The following TMEM50A variants were observed in gnomAD, a reference collection of about 807,000 sequenced individuals.
TMEM50A encodes the protein transmembrane protein 50A, also known as cervical cancer oncogene 9.
Under a neutral mutation model 23.9 loss-of-function variants are expected in TMEM50A, and 8 were observed. The observed-to-expected ratio is 0.33, with a 90% confidence interval of 0.20 to 0.60. The LOEUF (loss-of-function observed/expected upper bound fraction) is 0.60, where lower values mean the gene tolerates loss of function less well. Among genes scored for constraint, TMEM50A ranks in the 20% least tolerant of loss-of-function variants. The pLI, the probability that TMEM50A is intolerant of heterozygous loss-of-function variation, is 0.81. For synonymous variants in TMEM50A, 55 were observed against 60.4 expected, an observed-to-expected ratio of 0.91 and a Z score of 0.41; for missense variants, 178 against 192.7, an observed-to-expected ratio of 0.92 and a Z score of 0.45.
At chr1:25,359,046 T>C (rs912184218) in intron 6 of TMEM50A, among the ~76,000 whole-genome samples, 1 of 152,216 alleles carries the variant, frequency 6.6e-6, no homozygotes, top group Non-Finnish European at 1.5e-5. Flanking sequence ...TGAGCCACTG[T>C]GTCTGGCTCA....
At chr1:25,347,543 T>C (rs1645231577) in intron 3 of TMEM50A, among the ~76,000 whole-genome samples, 1 of 152,194 alleles carries the variant, frequency 6.6e-6, no homozygotes, top group African/African-American at 2.4e-5. Context: ...CGGCCTTCTG[T>C]AGACTTTTAA....
At chr1:25,358,083 G>A (rs899159274) in intron 6 of TMEM50A, among the ~76,000 whole-genome samples, 4 of 151,858 alleles carry the variant, frequency 2.6e-5, no homozygotes, top group African/African-American at 7.3e-5. Context: ...GAGTAGCTGG[G>A]ATTACAGGCA....
At chr1:25,349,915 T>G (rs1306418771) in intron 3 of TMEM50A, among the ~76,000 whole-genome samples, 1 of 152,262 alleles carries the variant, frequency 6.6e-6, no homozygotes, top group African/African-American at 2.4e-5. Context: ...ATATCATAGG[T>G]ATAATGTTTT....
At position 25,343,037 on chromosome 1, in the gene TMEM50A, A is replaced by G; in HGVS notation, c.170A>G (p.His57Arg). ...ATGAAAGATTTCAACCACTCATACC[A>G]TGCCTGTGGTGTTATAGCAACCATA... Reference protein sequence around the residue: ...PTMKDFNHSYHACGVIATIAF... With the variant: ...PTMKDFNHSYRACGVIATIAF... Residue 57 changes from histidine (H) to arginine (R), a missense_variant, in exon 3 of 7, where the codon CAT becomes CGT. Coordinates refer to ENST00000374358, the MANE Select transcript of TMEM50A (RefSeq NM_014313.4). 1.2e-6 allele frequency: 2 copies of G among 1,613,572 alleles called. No individual in the cohort carries two copies. Among genetic ancestry groups the G allele is most frequent in the Non-Finnish European group, 1.7e-6 (2 of 1,179,822 alleles).
Position 25,360,531 on chromosome 1 carries a change from T to C in TMEM50A, c.429-129T>C, listed in dbSNP as rs1188671771. ...AATGATCAGTTTCTGTTTTGATACA[T>C]TTCGTACCAAAATTTCTTCTACAAC... On this transcript the variant is annotated intron_variant, in intron 6 of 6. Transcript: ENST00000374358. The C allele has an allele frequency of 6.3e-6, 6 of 951,164 alleles. No homozygotes were observed. The African/African-American group carries it at 6.5e-5, about 10-fold the overall frequency. The allele number at this position is 951,164 out of a possible 1,614,324, so 58.9% of individuals were successfully genotyped here.
In TMEM50A at chr1:25,340,564, T is replaced by C. The variant is rs1314329029; in HGVS notation, c.78T>C (p.Ile26=). 1 of 1,613,444 alleles carries C rather than the reference T, an allele frequency of 6.2e-7. No homozygotes were observed. The highest frequency in any genetic ancestry group is 8.5e-7 in the Non-Finnish European group (1 of 1,179,760). ...AAAAGCGCAATACTATTGCTTCCAT[T>C]GCTGCTGGTGTACTAGTAAGTGTCA... ...WGEKRNTIAS[I]AAGVLFFTGW... Residue 26 remains isoleucine, a synonymous_variant, in exon 2 of 7, where the codon ATT becomes ATC. Transcript: ENST00000374358.
chr1:25,355,016 C>A (rs1387735400), intron 5 of TMEM50A, among the ~76,000 whole-genome samples: 1 of 152,190 alleles, frequency 6.6e-6, no homozygotes, highest in Non-Finnish European at 1.5e-5. Flanking sequence ...AGGTGATCCA[C>A]CTGCCTTGGC....
At chr1:25,339,328 C>G (rs1037709317) in intron 1 of TMEM50A, among the ~76,000 whole-genome samples, 4 of 152,092 alleles carry the variant, frequency 2.6e-5, no homozygotes, top group African/African-American at 9.7e-5. Flanking sequence ...CAGCTTGGGT[C>G]GGCTATATTT....
At chr1:25,360,332 G>C (rs1645385010) in intron 6 of TMEM50A, among the ~76,000 whole-genome samples, 2 of 147,400 alleles carry the variant, frequency 1.4e-5, no homozygotes, top group South Asian at 4.2e-4. Flanking sequence ...CTGGGCGACA[G>C]AGCAAGACTC....
chr1:25,357,634 GTGTGTGTGTGTGTGTT>G (rs1159563703), intron 6 of TMEM50A, among the ~76,000 whole-genome samples: 5 of 150,124 alleles, frequency 3.3e-5, no homozygotes, highest in African/African-American at 1.2e-4. Context: ...GTGTGTGTGT[GTGTGTGTGTGTGTGTT>G]GTTTTGAGAC....
chr1:25,357,856 T>C (rs1645352044), intron 6 of TMEM50A, among the ~76,000 whole-genome samples: 1 of 151,380 alleles, frequency 6.6e-6, no homozygotes, highest in African/African-American at 2.4e-5. Flanking sequence ...TCCAGGATGG[T>C]CTTGATTCCT....
At chr1:25,349,200 T>C (rs1054824376) in intron 3 of TMEM50A, among the ~76,000 whole-genome samples, 6 of 152,244 alleles carry the variant, frequency 3.9e-5, no homozygotes, top group Non-Finnish European at 5.9e-5. Flanking sequence ...CCCCCAGTTA[T>C]GGAGCATCAT....
intron 5 of TMEM50A, among the ~76,000 whole-genome samples, chr1:25,354,143 A>G (rs1645308663): frequency 6.6e-6 from 1 of 152,022 alleles, no homozygotes; most frequent in African/African-American, 2.4e-5. Flanking sequence ...GGCGCATGCC[A>G]CCACGCCCTG....
In TMEM50A at chr1:25,361,609, A is replaced by G. The variant is rs927438956; in HGVS notation, c.*904A>G. ...GAACTCTTGTTGTCTCTTCCTCTTCAGAACTCTTGTCCCCCCAGGCTCCCC... is the reference window on the plus strand; with the variant it reads ...GAACTCTTGTTGTCTCTTCCTCTTCGGAACTCTTGTCCCCCCAGGCTCCCC... On this transcript the variant is annotated 3_prime_UTR_variant, in exon 7 of 7. Coordinates refer to ENST00000374358, the MANE Select transcript of TMEM50A (RefSeq NM_014313.4). 8 of 152,426 alleles carry G rather than the reference A, an allele frequency of 5.2e-5. No individual in the cohort carries two copies. Among genetic ancestry groups the G allele is most frequent in the Admixed American group, 2.0e-4 (3 of 15,288 alleles). The allele number at this position is 152,426 out of a possible 1,614,324, so 9.4% of individuals were successfully genotyped here. A position where few individuals can be genotyped will look rare whatever the true frequency, so the allele number is the denominator to read the frequency against.
intron 1 of TMEM50A, among the ~76,000 whole-genome samples, chr1:25,340,006 G>C (rs189301832): frequency 6.6e-6 from 1 of 151,968 alleles, no homozygotes; most frequent in Non-Finnish European, 1.5e-5. Context: ...GCACGATCTC[G>C]GCTCACTGCA....
Position 25,343,036 on chromosome 1 carries a change from C to T in TMEM50A, c.169C>T (p.His57Tyr), listed in dbSNP as rs764558660. The T allele has an allele frequency of 6.2e-7, 1 of 1,613,432 alleles. No homozygotes were observed. The highest frequency in any genetic ancestry group is 8.5e-7 in the Non-Finnish European group (1 of 1,179,746). ...CATGAAAGATTTCAACCACTCATAC[C>T]ATGCCTGTGGTGTTATAGCAACCAT... ...PTMKDFNHSY[H>Y]ACGVIATIAF... is the part of the protein sequence containing the mutation. The change falls in exon 3 of 7, where the codon CAT becomes TAT. Residue 57 changes from histidine (H) to tyrosine (Y), a missense_variant. Coordinates refer to ENST00000374358, the MANE Select transcript of TMEM50A (RefSeq NM_014313.4).
At chr1:25,355,076 A>G (rs373200372) in intron 5 of TMEM50A, among the ~76,000 whole-genome samples, 5 of 152,240 alleles carry the variant, frequency 3.3e-5, no homozygotes, top group East Asian at 3.9e-4. Context: ...CCAGCCATCT[A>G]TATATTTTAA....
chr1:25,354,503 T>A (rs947446290), intron 5 of TMEM50A, among the ~76,000 whole-genome samples: 7 of 151,924 alleles, frequency 4.6e-5, no homozygotes, highest in Non-Finnish European at 7.4e-5. Context: ...TCCCAGCTAC[T>A]CGGGAGACTG....
chr1:25,353,027 A>T, intron 5 of TMEM50A, 53 bp downstream of exon 5: 1 of 1,515,082 alleles, frequency 6.6e-7, no homozygotes, highest in South Asian at 1.2e-5. Flanking sequence ...GGAATTTTGC[A>T]TTAAAGTTGG....
Sources: gnomAD v4.1 joint callset for allele counts (sites outside exome capture counted in the v4.1 genomes callset) on GRCh38, gnomAD v4.1.1 for gene constraint, MANE v1.5 for transcripts, NCBI Gene and HGNC (gene_info 2026-07-23, HGNC 2026-07-21) for gene names.